Variants in MRPS31 observed in about 807,000 individuals in gnomAD.
MRPS31 encodes mitochondrial ribosomal protein S31.
In MRPS31, 32 loss-of-function variants were observed where a neutral mutation model predicts 43.1. That is an observed-to-expected ratio of 0.74 (90% CI 0.56 to 1.00). MRPS31 has a LOEUF of 1.00. Among genes scored for constraint, MRPS31 ranks in the 50% least tolerant of loss-of-function variants. The pLI is 0.00. For missense variants in MRPS31, 437 were observed against 466.7 expected, an observed-to-expected ratio of 0.94 and a Z score of 0.59; for synonymous variants, 165 against 161.6, an observed-to-expected ratio of 1.02 and a Z score of -0.16.
At chr13:40,767,830 C>T (rs1351164185) in intron 1 of MRPS31, among the ~76,000 whole-genome samples, 1 of 152,174 alleles carries the variant, frequency 6.6e-6, no homozygotes, top group African/African-American at 2.4e-5. Context: ...TTAAACAATA[C>T]AAAAATAAAT....
intron 6 of MRPS31, among the ~76,000 whole-genome samples, chr13:40,730,352 T>C (rs1354251587): frequency 6.6e-6 from 1 of 151,678 alleles, no homozygotes; most frequent in Non-Finnish European, 1.5e-5. Flanking sequence ...TGAAACCCTA[T>C]CTCCACTAAA....
intron 6 of MRPS31, among the ~76,000 whole-genome samples, chr13:40,748,874 TTC>T (rs1403894689): frequency 6.6e-6 from 1 of 152,236 alleles, no homozygotes. Flanking sequence ...TCATTTGCAG[TTC>T]TCAGTCCTTT....
chr13:40,769,621 CATT>C (rs1250467842), intron 1 of MRPS31, among the ~76,000 whole-genome samples: 3 of 151,590 alleles, frequency 2.0e-5, no homozygotes, highest in East Asian at 1.9e-4. Context: ...ACAGGACTCT[CATT>C]ATAATATTCA....
intron 6 of MRPS31, among the ~76,000 whole-genome samples, chr13:40,732,813 T>G (rs1253747280): frequency 2.0e-5 from 3 of 151,858 alleles, no homozygotes; most frequent in Non-Finnish European, 4.4e-5. Context: ...GGGTTAGGCA[T>G]GAGCATATGT....
rs66521234 is a variant in MRPS31 at position 40,750,742 on chromosome 13, T to TTATATATATATATATATATA, written c.815-1481_815-1462dup. ...TGAATGCTTGCATTAGTATCCCATT[T>TTATATATATATATATATATA]TATATATATATATATATATATATAT... On this transcript the variant is annotated intron_variant, in intron 5 of 6. Coordinates refer to ENST00000323563, the MANE Select transcript of MRPS31 (RefSeq NM_005830.4). 4.1e-4 allele frequency among the ~76,000 whole-genome samples: 54 copies of TTATATATATATATATATATA among 130,832 alleles called. 1 individual carries two copies. The highest frequency in any genetic ancestry group is 1.4e-3 in the African/African-American group (48 of 34,654). The allele number at this position is 130,832 out of a possible 152,430, so 85.8% of individuals were successfully genotyped here.
chr13:40,761,921 GAA>G (rs58767091), intron 2 of MRPS31, among the ~76,000 whole-genome samples: 2 of 91,366 alleles, frequency 2.2e-5, no homozygotes, highest in Non-Finnish European at 2.5e-5. Context: ...AAAATAAACA[GAA>G]AAAAAAAAAA....
intron 6 of MRPS31, among the ~76,000 whole-genome samples, chr13:40,739,704 A>C (rs1279657931): frequency 6.6e-6 from 1 of 151,660 alleles, no homozygotes; most frequent in Non-Finnish European, 1.5e-5. Context: ...TTCCCTATTT[A>C]ATAAACGGTG....
chr13:40,768,029 T>A (rs1880899819), intron 1 of MRPS31, among the ~76,000 whole-genome samples: 1 of 152,232 alleles, frequency 6.6e-6, no homozygotes, highest in East Asian at 1.9e-4. Context: ...GATACATTTA[T>A]GAAAAAGAAC....
At chr13:40,729,681 T>TATA in intron 6 of MRPS31, 80 bp from the exon 7 acceptor site, 2 of 954,740 alleles carry the variant, frequency 2.1e-6, no homozygotes, top group Non-Finnish European at 3.2e-6. Flanking sequence ...AATGAGGTAA[T>TATA]ATAATATTAC....
At chr13:40,735,074 G>T (rs1027734681) in intron 6 of MRPS31, among the ~76,000 whole-genome samples, 3 of 152,132 alleles carry the variant, frequency 2.0e-5, no homozygotes, top group South Asian at 2.1e-4. Flanking sequence ...CAGTGGGTGC[G>T]CGCACCTTGC....
intron 3 of MRPS31, 105 bp downstream of exon 3, chr13:40,758,843 A>G: frequency 9.3e-7 from 1 of 1,076,714 alleles, no homozygotes; most frequent in Admixed American, 3.1e-5. Context: ...TTTATATACA[A>G]ATTCCACTTA....
At chr13:40,738,924 C>G (rs1461035391) in intron 6 of MRPS31, among the ~76,000 whole-genome samples, 14 of 152,116 alleles carry the variant, frequency 9.2e-5, no homozygotes, top group East Asian at 3.9e-4. Context: ...CATAGTGTTG[C>G]AAGTTCTGGC....
At chr13:40,755,094 GT>G (rs1566109566) in intron 4 of MRPS31, among the ~76,000 whole-genome samples, 1 of 152,162 alleles carries the variant, frequency 6.6e-6, no homozygotes, top group African/African-American at 2.4e-5. Flanking sequence ...TTGAATTCTT[GT>G]TTTTTTATAA....
intron 6 of MRPS31, among the ~76,000 whole-genome samples, chr13:40,732,510 G>A (rs1218124012): frequency 6.6e-6 from 1 of 152,156 alleles, no homozygotes. Flanking sequence ...GAGGCAGGAG[G>A]ATAGCTTGAA....
rs188931462 is a variant in MRPS31 at position 40,736,234 on chromosome 13, G to A, written c.959-6633C>T. Among the ~76,000 whole-genome samples, 319 of 152,248 alleles carry A rather than the reference G, an allele frequency of 2.1e-3. 1 individual carries two copies. The highest frequency in any genetic ancestry group is 7.5e-3 in the African/African-American group (310 of 41,532). The stretch of plus-strand genomic sequence containing the variant: ...AGCAGGAAGGAAAGTTTAGAGAAAA[G>A]AGAATAAAAAGAAACGAGCAAAGCC... On this transcript the variant is annotated intron_variant, in intron 6 of 6. Transcript: ENST00000323563.
intron 6 of MRPS31, among the ~76,000 whole-genome samples, chr13:40,739,520 A>G (rs1478980471): frequency 2.6e-5 from 4 of 152,284 alleles, no homozygotes; most frequent in East Asian, 1.9e-4. Context: ...GAGGCATCAC[A>G]CTACCTGACT....
intron 6 of MRPS31, among the ~76,000 whole-genome samples, chr13:40,730,263 C>T (rs1879639905): frequency 6.6e-6 from 1 of 151,972 alleles, no homozygotes; most frequent in East Asian, 2.0e-4. Flanking sequence ...TGGCTCACGC[C>T]TATAATCCCA....
At chr13:40,762,932 T>A (rs780450265) in intron 2 of MRPS31, among the ~76,000 whole-genome samples, 1 of 151,982 alleles carries the variant, frequency 6.6e-6, no homozygotes, top group Non-Finnish European at 1.5e-5. Context: ...CTCTAGCACT[T>A]TGGATGGTGT....
chr13:40,770,504 G>T (rs535125130), intron 1 of MRPS31, among the ~76,000 whole-genome samples: 2 of 152,232 alleles, frequency 1.3e-5, no homozygotes, highest in African/African-American at 4.8e-5. Context: ...CATGTTGGCT[G>T]AATAGTGTAC....
Sources: gnomAD v4.1 joint callset for allele counts (sites outside exome capture counted in the v4.1 genomes callset) on GRCh38, gnomAD v4.1.1 for gene constraint, MANE v1.5 for transcripts, NCBI Gene and HGNC (gene_info 2026-07-23, HGNC 2026-07-21) for gene names.